SF3B1: variants seen among roughly 807,000 people sequenced by gnomAD.
The protein encoded by SF3B1 is splicing factor 3b subunit 1.
A neutral mutation model predicts 153.8 loss-of-function variants in SF3B1; 12 were observed. The observed-to-expected ratio is 0.08, with a 90% CI of 0.05 to 0.13. SF3B1 has a LOEUF of 0.13. SF3B1 is among the 10% of genes least tolerant of loss of function. SF3B1 has a pLI of 1.00. For missense variants in SF3B1, 513 were observed against 1,606.1 expected (o/e 0.32, Z 11.63); for synonymous variants, 498 against 525.2 (o/e 0.95, Z 0.71).
At position 197,401,720 on chromosome 2, in the gene SF3B1, T is replaced by C; in HGVS notation, c.2370+22A>G. Reference sequence around the variant, plus strand: ...AACCATGAAACATATCCAGTTTACATTAACAAATCTGGAATAATTACCTTC... The same window carrying C: ...AACCATGAAACATATCCAGTTTACACTAACAAATCTGGAATAATTACCTTC... On this transcript the variant is annotated intron_variant, in intron 16 of 24. Transcript: ENST00000335508. This position sits in a 1 kb window ranked among gnomAD's most constrained non-coding sequence, Gnocchi z 4.2. 1 of 1,599,688 alleles carries C rather than the reference T, an allele frequency of 6.3e-7. No homozygotes were observed. The highest frequency in any genetic ancestry group is 8.5e-7 in the Non-Finnish European group (1 of 1,174,114).
intron 6 of SF3B1, among the ~76,000 whole-genome samples, chr2:197,412,997 A>G (rs953976638): frequency 2.7e-5 from 4 of 146,150 alleles, no homozygotes; most frequent in East Asian, 4.1e-4. Flanking sequence ...AAAAAAAAAG[A>G]TATCAGCTCT....
Position 197,401,312 on chromosome 2 carries a change from C to CA in SF3B1, c.2496+87dup, listed in dbSNP as rs2084934982. On this transcript the variant is annotated intron_variant, in intron 17 of 24. Coordinates refer to ENST00000335508, the MANE Select transcript of SF3B1 (RefSeq NM_012433.4). This position sits in a 1 kb window ranked among gnomAD's most constrained non-coding sequence, Gnocchi z 4.2. ...CATATAAACTGTGAGATAATCAAGG[C>CA]AAAAAATAATATACAACATGCATTC... 3.2e-6 allele frequency: 4 copies of CA among 1,237,072 alleles called. No homozygotes were observed. The highest frequency in any genetic ancestry group is 4.5e-6 in the Non-Finnish European group (4 of 881,330). 76.6% of individuals were successfully genotyped at this position (1,237,072 alleles called of 1,614,324 possible).
At chr2:197,412,107 C>CAAAAA (rs397987243) in intron 6 of SF3B1, among the ~76,000 whole-genome samples, 1 of 81,708 alleles carries the variant, frequency 1.2e-5, no homozygotes, top group Non-Finnish European at 2.4e-5. Context: ...GACTCTGTCT[C>CAAAAA]AAAAAAAAAA....
intron 4 of SF3B1, chr2:197,420,082 A>C (rs1044459129): frequency 3.8e-6 from 1 of 264,728 alleles, no homozygotes; most frequent in African/African-American, 2.2e-5. Flanking sequence ...TAGGATTTGG[A>C]ATGAAAACTT....
chr2:197,405,111 A>G lies in SF3B1; in HGVS notation c.1504T>C (p.Leu502=). The G allele has an allele frequency of 6.2e-7, 1 of 1,611,886 alleles. No individual in the cohort carries two copies. The highest frequency in any genetic ancestry group is 8.5e-7 in the Non-Finnish European group (1 of 1,178,560). ...QKERKIMKLL[L]KIKNGTPPMR... ...GGTGGTGTTCCATTCTTAATTTTTA[A>G]AAGCAACTTCATTATTTTTCTCTCT... Residue 502 remains leucine, a synonymous_variant, in exon 11 of 25, where the codon TTA becomes CTA. Transcript: ENST00000335508.
intron 1 of SF3B1, among the ~76,000 whole-genome samples, chr2:197,430,623 T>C (rs2085413847): frequency 6.6e-6 from 1 of 152,164 alleles, no homozygotes. Flanking sequence ...CCAGCTAATT[T>C]TTTTATTTTT....
At position 197,418,603 on chromosome 2, in the gene SF3B1, A is replaced by G; in HGVS notation, c.416-15T>C. 6.2e-7 allele frequency: 1 copy of G among 1,605,732 alleles called. No individual in the cohort carries two copies. Among genetic ancestry groups the G allele is most frequent in the Non-Finnish European group, 8.5e-7 (1 of 1,175,040 alleles). The stretch of plus-strand genomic sequence containing the variant: ...GGTTTTCCCTCCTGCAGAAAAGAAC[A>G]GCAACAGGAAAAAGAGTACAATAAA... On this transcript the variant is annotated splice_polypyrimidine_tract_variant and intron_variant, in intron 4 of 24. Coordinates refer to ENST00000335508, the MANE Select transcript of SF3B1 (RefSeq NM_012433.4).
intron 1 of SF3B1, among the ~76,000 whole-genome samples, chr2:197,431,819 T>C (rs1307421568): frequency 2.6e-5 from 4 of 152,228 alleles, no homozygotes; most frequent in African/African-American, 9.6e-5. Context: ...TCCTAAATGA[T>C]TAATTCTATT....
At chr2:197,414,643 G>C (rs1418084893) in intron 6 of SF3B1, among the ~76,000 whole-genome samples, 1 of 152,194 alleles carries the variant, frequency 6.6e-6, no homozygotes, top group Non-Finnish European at 1.5e-5. Flanking sequence ...AGGTGGAATA[G>C]ACTAGAACTA....
chr2:197,421,189 G>T, intron 2 of SF3B1, 56 bp from the exon 3 acceptor site: 1 of 1,071,952 alleles, frequency 9.3e-7, no homozygotes, highest in Non-Finnish European at 1.4e-6. Context: ...TTAAAAATTA[G>T]AAAGAATATG....
intron 1 of SF3B1, among the ~76,000 whole-genome samples, chr2:197,431,413 C>A (rs1462085222): frequency 2.0e-5 from 3 of 152,186 alleles, no homozygotes; most frequent in African/African-American, 7.2e-5. Context: ...AGACACCATG[C>A]CCAGCCCTTT....
chr2:197,396,402 G>A, intron 22 of SF3B1, 74 bp from the exon 23 acceptor site: 1 of 1,290,972 alleles, frequency 7.7e-7, no homozygotes, highest in Non-Finnish European at 1.1e-6. Flanking sequence ...AATGCATAAA[G>A]ATGAAAACTT....
At chr2:197,424,209 G>A (rs2085294086) in intron 1 of SF3B1, among the ~76,000 whole-genome samples, 1 of 152,174 alleles carries the variant, frequency 6.6e-6, no homozygotes, top group African/African-American at 2.4e-5. Flanking sequence ...GGAGGATGAG[G>A]TGGGCAGATC....
chr2:197,425,626 T>C (rs2085322759), intron 1 of SF3B1, among the ~76,000 whole-genome samples: 1 of 152,012 alleles, frequency 6.6e-6, no homozygotes, highest in South Asian at 2.1e-4. Flanking sequence ...AAGATAGATG[T>C]GCAGGATAAC....
At chr2:197,432,138 G>GA (rs932758445) in intron 1 of SF3B1, among the ~76,000 whole-genome samples, 2 of 151,882 alleles carry the variant, frequency 1.3e-5, no homozygotes, top group African/African-American at 4.8e-5. Context: ...ATAAACACAG[G>GA]AAAAAATATA....
At chr2:197,430,124 G>T (rs1255853156) in intron 1 of SF3B1, among the ~76,000 whole-genome samples, 2 of 152,084 alleles carry the variant, frequency 1.3e-5, no homozygotes. Context: ...AGATATAAGA[G>T]AAACCAACCA....
At chr2:197,431,952 A>G (rs1012212744) in intron 1 of SF3B1, among the ~76,000 whole-genome samples, 1 of 152,000 alleles carries the variant, frequency 6.6e-6, no homozygotes, top group Non-Finnish European at 1.5e-5. Flanking sequence ...GCGAGACCCC[A>G]TCTCTAAAAA....
At chr2:197,415,456 A>C (rs1371422092) in intron 6 of SF3B1, among the ~76,000 whole-genome samples, 1 of 151,928 alleles carries the variant, frequency 6.6e-6, no homozygotes, top group Non-Finnish European at 1.5e-5. Flanking sequence ...GGGTTTCACT[A>C]CGTTGGCCAG....
At chr2:197,397,582 G>A (rs1055290606) in intron 22 of SF3B1, among the ~76,000 whole-genome samples, 1 of 152,094 alleles carries the variant, frequency 6.6e-6, no homozygotes, top group African/African-American at 2.4e-5. Context: ...GCTCACTTGA[G>A]GCCAGGAGTT....
Sources: allele counts gnomAD v4.1 joint callset (sites outside exome capture counted in the v4.1 genomes callset), GRCh38; gene constraint gnomAD v4.1.1; non-coding constraint Gnocchi (gnomAD v3.1); transcripts MANE v1.5; gene names NCBI Gene and HGNC (gene_info 2026-07-23, HGNC 2026-07-21).